Variants in ATP6V1C2 observed in about 807,000 individuals in gnomAD.
ATP6V1C2 encodes the protein ATPase H+ transporting V1 subunit C2.
ATP6V1C2 carries 45 observed loss-of-function variants against 56.8 expected under a neutral mutation model. The ratio of observed to expected loss-of-function variants is 0.79; its 90% CI spans 0.62 to 1.02. The LOEUF is 1.02. ATP6V1C2 is among the 50% of genes least tolerant of loss of function. The pLI is 0.00. For missense variants in ATP6V1C2, 463 were observed against 519.7 expected (o/e 0.89, Z 1.06); for synonymous variants, 220 against 201.3 (o/e 1.09, Z -0.79).
rs1437267168 is a variant in ATP6V1C2, at chr2:10,785,073, G to T, written c.*1810G>T. ...AAAACACACACACACATTTACAATGGACTGCTGGTGCAGAAGAATAAACAA... is the reference window on the plus strand; with the variant it reads ...AAAACACACACACACATTTACAATGTACTGCTGGTGCAGAAGAATAAACAA... On this transcript the variant is annotated 3_prime_UTR_variant, in exon 14 of 14. Transcript: ENST00000272238. 3 of 1,282,180 alleles carry T rather than the reference G, an allele frequency of 2.3e-6. No individual in the cohort carries two copies. The highest frequency in any genetic ancestry group is 3.3e-6 in the Non-Finnish European group (3 of 900,880). 79.4% of individuals were successfully genotyped at this position (1,282,180 alleles called of 1,614,324 possible). A position where few individuals can be genotyped will look rare whatever the true frequency, so the allele number is the denominator to read the frequency against.
intron 5 of ATP6V1C2, among the ~76,000 whole-genome samples, chr2:10,764,966 G>A (rs530366624): frequency 3.0e-5 from 4 of 134,010 alleles, no homozygotes; most frequent in African/African-American, 5.4e-5. Context: ...ATGAGGTTCC[G>A]TCCCCCCACC....
chr2:10,767,030 TAAA>T (rs1197282068), intron 5 of ATP6V1C2, among the ~76,000 whole-genome samples: 3 of 151,920 alleles, frequency 2.0e-5, no homozygotes, highest in African/African-American at 7.3e-5. Context: ...TTAAAAGTTT[TAAA>T]AAAATTATTA....
At chr2:10,727,813 C>T (rs989637684) in intron 3 of ATP6V1C2, among the ~76,000 whole-genome samples, 1 of 149,702 alleles carries the variant, frequency 6.7e-6, no homozygotes. Flanking sequence ...GCAGGAGAAT[C>T]GCTTGAGCGG....
intron 4 of ATP6V1C2, among the ~76,000 whole-genome samples, chr2:10,755,878 A>C (rs1191591575): frequency 6.6e-6 from 1 of 152,226 alleles, no homozygotes; most frequent in Non-Finnish European, 1.5e-5. Flanking sequence ...GTTCGTGCTG[A>C]TGGGACGAAC....
upstream of ATP6V1C2, chr2:10,721,023 C>G (rs546824373): frequency 1.3e-5 from 2 of 152,714 alleles, no homozygotes; most frequent in East Asian, 3.9e-4. Context: ...CCCCCCACCC[C>G]CCATCCACAG....
intron 4 of ATP6V1C2, among the ~76,000 whole-genome samples, chr2:10,760,586 T>G (rs965653619): frequency 6.6e-6 from 1 of 152,184 alleles, no homozygotes; most frequent in African/African-American, 2.4e-5. Context: ...CAGGGAGACA[T>G]AATCTCAGAC....
intron 3 of ATP6V1C2, among the ~76,000 whole-genome samples, chr2:10,748,078 A>G (rs1663020320): frequency 6.6e-6 from 1 of 152,026 alleles, no homozygotes; most frequent in Non-Finnish European, 1.5e-5. Flanking sequence ...TTGTATTTTT[A>G]GTAGAGATGG....
rs369158951 is a variant in ATP6V1C2 at position 10,765,630 on chromosome 2, G to A, written c.378+1205G>A. ...TTACATCAGAGAGGCTCAGGCCCCT[G>A]CTGGGACGATCAGGCAGTGATTCTG... On this transcript the variant is annotated intron_variant, in intron 5 of 13. Coordinates refer to ENST00000272238, the MANE Select transcript of ATP6V1C2 (RefSeq NM_001039362.2). Among the ~76,000 whole-genome samples the A allele has an allele frequency of 2.6e-5, 4 of 152,362 alleles. No homozygotes were observed. In the South Asian group the frequency reaches 8.3e-4, roughly 32 times the overall value.
intron 3 of ATP6V1C2, 146 bp from the exon 4 acceptor site, chr2:10,753,835 C>T: frequency 1.5e-6 from 1 of 681,144 alleles, no homozygotes; most frequent in African/African-American, 1.8e-5. Context: ...TGCCCGGCCG[C>T]TATTGGCATT....
At chr2:10,723,042 C>T (rs1263144522) in intron 2 of ATP6V1C2, 64 bp downstream of exon 2, 3 of 1,581,004 alleles carry the variant, frequency 1.9e-6, no homozygotes, top group Non-Finnish European at 1.7e-6. Context: ...GAGAGGGAGA[C>T]AGGTTGCTAC....
At chr2:10,753,670 T>A (rs1663349542) in intron 3 of ATP6V1C2, among the ~76,000 whole-genome samples, 10 of 151,930 alleles carry the variant, frequency 6.6e-5, no homozygotes, top group Admixed American at 6.6e-4. Flanking sequence ...TAGCTGGGAC[T>A]ACGGCGCCCA....
intron 3 of ATP6V1C2, among the ~76,000 whole-genome samples, chr2:10,745,887 C>T (rs762733510): frequency 3.9e-5 from 6 of 152,110 alleles, no homozygotes; most frequent in Non-Finnish European, 7.3e-5. Context: ...CCTTTTCTGC[C>T]TGGCTTATTT....
chr2:10,725,547 T>C (rs936861330), intron 2 of ATP6V1C2, among the ~76,000 whole-genome samples: 1 of 132,690 alleles, frequency 7.5e-6, no homozygotes, highest in African/African-American at 2.9e-5. Flanking sequence ...CAGGCTGGAG[T>C]GCAGTGGTGC....
chr2:10,783,569 C>T lies in ATP6V1C2; in HGVS notation c.*306C>T, dbSNP rs754777878. On this transcript the variant is annotated 3_prime_UTR_variant, in exon 14 of 14. Transcript: ENST00000272238. ...TAACGGCTATTTTGAGGTTCATTAA[C>T]AACATAGAAAGCCTTGAACTGTATA... 1 of 288,540 alleles carries T rather than the reference C, an allele frequency of 3.5e-6. No homozygotes were observed. Among genetic ancestry groups the T allele is most frequent in the African/African-American group, 2.2e-5 (1 of 44,596 alleles). The allele number at this position is 288,540 out of a possible 1,614,324, so 17.9% of individuals were successfully genotyped here.
chr2:10,776,610 C>T (rs549856271), intron 10 of ATP6V1C2, among the ~76,000 whole-genome samples: 90 of 152,352 alleles, frequency 5.9e-4, no homozygotes, highest in African/African-American at 2.1e-3. Flanking sequence ...CAGGCTTTTT[C>T]CCAGCTCGAT....
chr2:10,737,346 C>T (rs1268638166), intron 3 of ATP6V1C2, among the ~76,000 whole-genome samples: 1 of 149,376 alleles, frequency 6.7e-6, no homozygotes, highest in African/African-American at 2.5e-5. Flanking sequence ...TGGAGCATGG[C>T]TTGAACCCGG....
chr2:10,772,567 A>G lies in ATP6V1C2; in HGVS notation c.595A>G (p.Thr199Ala), dbSNP rs749161686. The change falls in exon 8 of 14, where the codon ACC (threonine) becomes GCC (alanine). Residue 199 changes from threonine (T) to alanine (A), a missense_variant. Thr to Ala is a moderately conservative substitution (Grantham distance 58). Transcript: ENST00000272238. ...PKPNYSQWQK[T>A]YESLSDMVVP... The stretch of plus-strand genomic sequence containing the variant: ...ACCAAACTACTCACAATGGCAAAAA[A>G]CCTACGAATCTCTCTCAGACATGGT... 1.3e-5 allele frequency: 21 copies of G among 1,613,928 alleles called. No homozygotes were observed. The highest frequency in any genetic ancestry group is 1.6e-4 in the Middle Eastern group (1 of 6,084).
In ATP6V1C2 at chr2:10,742,558, G is replaced by A. The variant is rs114113285; in HGVS notation, c.198-11423G>A. On this transcript the variant is annotated intron_variant, in intron 3 of 13. Coordinates refer to ENST00000272238, the MANE Select transcript of ATP6V1C2 (RefSeq NM_001039362.2). ...TGGGGTGCAAGGCTTCTAGGCACCC[G>A]CCGGCTGCTCCTCTCCCCATACCCC... 4.8e-3 allele frequency among the ~76,000 whole-genome samples: 735 copies of A among 152,224 alleles called. 5 individuals carry two copies. The highest frequency in any genetic ancestry group is 0.016 in the African/African-American group (665 of 41,544).
rs1664039852 is a variant in ATP6V1C2 at position 10,763,459 on chromosome 2, G to A, written c.284-872G>A. ...GACCTTGGGCAGGGGGTGGTGTCTA[G>A]TGTGTGTCCCCAGCAGGGTGATGGG... On this transcript the variant is annotated intron_variant, in intron 4 of 13. Transcript: ENST00000272238. This position sits in a 1 kb window ranked among gnomAD's most constrained non-coding sequence, Gnocchi z 4.2. Among the ~76,000 whole-genome samples, 1 of 152,204 alleles carries A rather than the reference G, an allele frequency of 6.6e-6. No individual in the cohort carries two copies.
Sources: gnomAD v4.1 joint callset for allele counts (sites outside exome capture counted in the v4.1 genomes callset) on GRCh38, gnomAD v4.1.1 for gene constraint, Gnocchi (gnomAD v3.1) non-coding constraint, MANE v1.5 for transcripts, NCBI Gene and HGNC (gene_info 2026-07-23, HGNC 2026-07-21) for gene names.